The following VPS13D variants were observed in gnomAD, a reference collection of about 807,000 sequenced individuals.
VPS13D encodes vacuolar protein sorting 13 homolog D.
In VPS13D, 187 loss-of-function variants were observed where a neutral mutation model predicts 461.9. The ratio of observed to expected loss-of-function variants is 0.40; its 90% confidence interval spans 0.36 to 0.46. The LOEUF is 0.46. Among genes scored for constraint, VPS13D ranks in the 20% least tolerant of loss-of-function variants. The pLI, the probability that VPS13D is intolerant of heterozygous loss-of-function variation, is 0.60. For missense variants in VPS13D, 4,711 were observed against 5,364.9 expected, an observed-to-expected ratio of 0.88 and a Z score of 3.81; for synonymous variants, 1,951 against 1,986.3, an observed-to-expected ratio of 0.98 and a Z score of 0.47.
In VPS13D at chr1:12,283,165, T is replaced by A. The variant is rs774673236; in HGVS notation, c.5063T>A (p.Leu1688Gln). ...EKNPDSKYKN[L>Q]MVSRGAPKPS... ...AATCCAGATTCTAAATATAAGAACC[T>A]GATGGTGTCTCGAGGAGCCCCTAAG... Residue 1688 changes from leucine (L) to glutamine (Q), a missense_variant, in exon 21 of 70, where the codon CTG becomes CAG. Leu to Gln is a moderately radical substitution (Grantham distance 113, BLOSUM62 -2). This residue lies in a region of VPS13D where 4,411 missense variants were observed against 4,937.8 expected (regional missense o/e 0.89). Coordinates refer to ENST00000620676, the MANE Select transcript of VPS13D (RefSeq NM_015378.4). 6.2e-7 allele frequency: 1 copy of A among 1,614,208 alleles called. No individual in the cohort carries two copies. The highest frequency in any genetic ancestry group is 1.7e-5 in the Admixed American group (1 of 60,026).
chr1:12,357,585 C>T (rs1643897152), intron 49 of VPS13D, among the ~76,000 whole-genome samples: 2 of 152,198 alleles, frequency 1.3e-5, no homozygotes, highest in Admixed American at 1.3e-4. Context: ...AGGAAACAGG[C>T]TCAGAGAGAT....
Position 12,311,508 on chromosome 1 carries a change from C to G in VPS13D, c.6705C>G (p.Val2235=), listed in dbSNP as rs755468230. Residue 2235 remains valine, a synonymous_variant, in exon 28 of 70, where the codon GTC becomes GTG. Coordinates refer to ENST00000620676, the MANE Select transcript of VPS13D (RefSeq NM_015378.4). ...DISIHGNLSS[V]HCSLDLYKYK... The stretch of plus-strand genomic sequence containing the variant: ...CTATCCATGGCAATCTCTCCTCAGT[C>G]CACTGCTCTCTGGATCTGTATAAAT... 4 of 1,614,112 alleles carry G rather than the reference C, an allele frequency of 2.5e-6. No individual in the cohort carries two copies. In the Admixed American group the frequency reaches 6.7e-5, roughly 27 times the overall value.
chr1:12,266,735 G>C, intron 13 of VPS13D, 146 bp from the exon 14 acceptor site: 1 of 778,670 alleles, frequency 1.3e-6, no homozygotes, highest in Non-Finnish European at 1.9e-6. Flanking sequence ...CCTGTAGATA[G>C]ATAGGGTTTT....
intron 66 of VPS13D, 48 bp downstream of exon 66, chr1:12,456,178 C>T (rs751933636): frequency 1.5e-5 from 23 of 1,569,020 alleles, no homozygotes; most frequent in African/African-American, 6.9e-5. Flanking sequence ...TCCTCAGAGG[C>T]GCCTTTGTAT....
At chr1:12,374,877 A>G (rs532008502) in intron 55 of VPS13D, among the ~76,000 whole-genome samples, 1 of 152,310 alleles carries the variant, frequency 6.6e-6, no homozygotes, top group South Asian at 2.1e-4. Context: ...AGCTGGGACT[A>G]CAGGAGCCCA....
chr1:12,344,370 A>T (rs770987895), intron 42 of VPS13D, among the ~76,000 whole-genome samples: 1 of 152,142 alleles, frequency 6.6e-6, no homozygotes, highest in Non-Finnish European at 1.5e-5. Context: ...TATTCCCAAG[A>T]AGCAAGAGTT....
At chr1:12,336,997 G>T (rs1643465147) in intron 39 of VPS13D, 1 of 152,170 alleles carries the variant, frequency 6.6e-6, no homozygotes, top group Non-Finnish European at 1.5e-5. Flanking sequence ...AGATTCTGAT[G>T]AAAGATTTTC....
At chr1:12,261,288 T>TCTCCCAAAATACTTC in intron 12 of VPS13D, 139 bp downstream of exon 12, 1 of 994,312 alleles carries the variant, frequency 1.0e-6, no homozygotes, top group Non-Finnish European at 1.5e-6. Context: ...AGAAGAAGTA[T>TCTCCCAAAATACTTC]TTTGGGAGAT....
chr1:12,431,683 A>G (rs1473118243), intron 65 of VPS13D, among the ~76,000 whole-genome samples: 4 of 151,970 alleles, frequency 2.6e-5, no homozygotes, highest in East Asian at 1.9e-4. Flanking sequence ...TTAGCCTGTG[A>G]TCTAGGAAGC....
chr1:12,322,053 T>G, intron 33 of VPS13D, 89 bp downstream of exon 33: 1 of 1,515,912 alleles, frequency 6.6e-7, no homozygotes, highest in Non-Finnish European at 8.9e-7. Flanking sequence ...CCCAACAACC[T>G]CTTTTTTTGT....
intron 40 of VPS13D, among the ~76,000 whole-genome samples, chr1:12,341,328 A>G (rs1318182332): frequency 6.6e-6 from 1 of 152,248 alleles, no homozygotes; most frequent in Admixed American, 6.5e-5. Flanking sequence ...ATTTTGTTAC[A>G]AAATGCATAC....
chr1:12,506,785 A>C (rs1277682858), intron 68 of VPS13D, 68 bp from the exon 69 acceptor site: 7 of 1,570,756 alleles, frequency 4.5e-6, no homozygotes, highest in African/African-American at 1.4e-5. Context: ...CAGAGCCCGC[A>C]GTGGGCCTCC....
intron 21 of VPS13D, among the ~76,000 whole-genome samples, chr1:12,285,701 A>G (rs1325192106): frequency 6.6e-6 from 1 of 152,202 alleles, no homozygotes; most frequent in African/African-American, 2.4e-5. Context: ...CGTCCAACTA[A>G]CAAGAATTCC....
chr1:12,425,257 G>A (rs1469593809), intron 65 of VPS13D, among the ~76,000 whole-genome samples: 3 of 151,948 alleles, frequency 2.0e-5, no homozygotes, highest in African/African-American at 7.3e-5. Context: ...TCAATATGAC[G>A]GTTAAAAATC....
chr1:12,322,056 T>G, intron 33 of VPS13D, 92 bp downstream of exon 33: 1 of 1,514,384 alleles, frequency 6.6e-7, no homozygotes, highest in Non-Finnish European at 8.9e-7. Flanking sequence ...AACAACCTCT[T>G]TTTTTGTTTT....
intron 37 of VPS13D, among the ~76,000 whole-genome samples, chr1:12,330,632 A>C (rs1427022019): frequency 6.6e-6 from 1 of 151,870 alleles, no homozygotes; most frequent in East Asian, 1.9e-4. Context: ...CAGTGGCACG[A>C]TCTCGGCTCA....
intron 55 of VPS13D, among the ~76,000 whole-genome samples, chr1:12,377,860 T>C (rs1570043272): frequency 6.7e-6 from 1 of 149,586 alleles, no homozygotes; most frequent in East Asian, 2.0e-4. Flanking sequence ...AGCAATCAAT[T>C]AGCATAACCT....
rs774443148 is a variant in VPS13D, at chr1:12,335,710, T to C, written c.8434T>C (p.Tyr2812His). ...INITSVLIDQ[Y>H]VSTKESWMAD... ...CTCTGGGGGATTCTTTCTAGACCAG[T>C]ATGTAAGTACCAAGGAATCGTGGAT... The change falls in exon 39 of 70, where the codon TAT (tyrosine) becomes CAT (histidine). Residue 2812 changes from tyrosine to histidine, a missense_variant. Around this residue, in one of 3 missense-constraint regions of VPS13D, gnomAD observed 4,411 missense variants for 4,937.8 expected, o/e 0.89. Transcript: ENST00000620676. 1.8e-5 allele frequency: 29 copies of C among 1,612,950 alleles called. No individual in the cohort carries two copies. Among genetic ancestry groups the C allele is most frequent in the Non-Finnish European group, 2.2e-5 (26 of 1,179,468 alleles).
intron 65 of VPS13D, among the ~76,000 whole-genome samples, chr1:12,449,571 A>G (rs534577581): frequency 6.6e-6 from 1 of 152,280 alleles, no homozygotes; most frequent in African/African-American, 2.4e-5. Context: ...CTTCAACATC[A>G]AGGCAAAACT....
Sources: gnomAD v4.1 joint callset for allele counts (sites outside exome capture counted in the v4.1 genomes callset) on GRCh38, gnomAD v4.1.1 for gene constraint, gnomAD v4.1.1 regional missense constraint, MANE v1.5 for transcripts, NCBI Gene and HGNC (gene_info 2026-07-23, HGNC 2026-07-21) for gene names.